Variants in AHCTF1 observed in about 807,000 individuals in gnomAD.
The protein encoded by AHCTF1 is protein ELYS.
In AHCTF1, 24 loss-of-function variants were observed where a neutral mutation model predicts 248.4. The observed-to-expected ratio is 0.10, with a 90% confidence interval of 0.07 to 0.14. The LOEUF is 0.14. Ranked by LOEUF, AHCTF1 falls within the 10% of genes least tolerant of loss-of-function variation. The pLI is 1.00. For synonymous variants in AHCTF1, 786 were observed against 929.8 expected (o/e 0.85, Z 2.81); for missense variants, 2,206 against 2,636.2 (o/e 0.84, Z 3.57).
chr1:246,878,068 AAC>A (rs1236139113), intron 21 of AHCTF1, among the ~76,000 whole-genome samples: 1 of 151,998 alleles, frequency 6.6e-6, no homozygotes, highest in Non-Finnish European at 1.5e-5. Context: ...AGTCTACAGA[AAC>A]ACCAGCAAAA....
In AHCTF1 at chr1:246,842,757, A is replaced by T. The variant is rs1346250058; in HGVS notation, c.6545T>A (p.Val2182Glu). The change falls in exon 35 of 36, where the codon GTA (valine) becomes GAA (glutamate). Residue 2182 changes from valine (V) to glutamate (E), a missense_variant. By Grantham distance (121) the Val-to-Glu change is moderately radical. Around this residue, in one of 6 missense-constraint regions of AHCTF1, gnomAD observed 469 missense variants for 470.0 expected, o/e 1.00. Transcript: ENST00000648844. ...CGCTTTTGGCTTTCCCAGAGTTTCT[A>T]CTGATTGTGCATCATCTTTCTATGG... Reference protein sequence around the residue: ...EDELKDDAQSVETLGKPKAKR... With the variant: ...EDELKDDAQSEETLGKPKAKR... The T allele has an allele frequency of 5.6e-6, 9 of 1,613,532 alleles. No individual in the cohort carries two copies. In the South Asian group the frequency reaches 9.9e-5, roughly 18 times the overall value.
chr1:246,895,931 C>G lies in AHCTF1; in HGVS notation c.1624-6G>C. Reference sequence around the variant, plus strand: ...ATAGCTTCTAACTGTTCTTCCTAAACCATGCATTACAGAAAGGAAAGAAAT... The same window carrying G: ...ATAGCTTCTAACTGTTCTTCCTAAAGCATGCATTACAGAAAGGAAAGAAAT... On this transcript the variant is annotated splice_polypyrimidine_tract_variant and splice_region_variant and intron_variant, in intron 12 of 35. Coordinates refer to ENST00000648844, the MANE Select transcript of AHCTF1 (RefSeq NM_001323342.2). 1 of 1,605,232 alleles carries G rather than the reference C, an allele frequency of 6.2e-7. No individual in the cohort carries two copies. The highest frequency in any genetic ancestry group is 8.5e-7 in the Non-Finnish European group (1 of 1,175,068).
At chr1:246,844,565 T>A (rs984846211) in intron 33 of AHCTF1, among the ~76,000 whole-genome samples, 1 of 151,876 alleles carries the variant, frequency 6.6e-6, no homozygotes, top group Non-Finnish European at 1.5e-5. Context: ...CTACAAAAAA[T>A]TTTTAAAAGA....
At chr1:246,905,396 G>A (rs1336531722) in intron 6 of AHCTF1, 145 bp downstream of exon 6, 9 of 596,372 alleles carry the variant, frequency 1.5e-5, no homozygotes, top group Non-Finnish European at 1.5e-5. Context: ...TACTCGGGAG[G>A]CTGAGCGAGA....
chr1:246,867,843 A>G, intron 24 of AHCTF1, 32 bp from the exon 25 acceptor site: 1 of 1,557,704 alleles, frequency 6.4e-7, no homozygotes, highest in Non-Finnish European at 8.7e-7. Flanking sequence ...AATTAAGTGC[A>G]TCTCTAACAA....
intron 10 of AHCTF1, 46 bp from the exon 11 acceptor site, chr1:246,899,558 T>C: frequency 6.7e-7 from 1 of 1,490,280 alleles, no homozygotes. Context: ...ATATTTAAAA[T>C]GGCATTAATA....
chr1:246,911,479 C>CTTT (rs35320501), intron 4 of AHCTF1, among the ~76,000 whole-genome samples: 526 of 99,412 alleles, frequency 5.3e-3, no homozygotes, highest in East Asian at 8.4e-3. Context: ...TATGAAGATT[C>CTTT]TTTTTTTTTT....
intron 11 of AHCTF1, among the ~76,000 whole-genome samples, chr1:246,898,635 C>T (rs1246889991): frequency 4.0e-5 from 3 of 74,814 alleles, no homozygotes; most frequent in Non-Finnish European, 8.4e-5. Flanking sequence ...CACACACACA[C>T]ACACACACAC....
intron 35 of AHCTF1, among the ~76,000 whole-genome samples, chr1:246,842,216 G>A (rs1251320607): frequency 6.6e-6 from 1 of 152,002 alleles, no homozygotes; most frequent in East Asian, 1.9e-4. Flanking sequence ...AATCTTTTCT[G>A]ATGAGCTTAA....
intron 1 of AHCTF1, chr1:246,931,180 A>G (rs1488840306): frequency 9.0e-6 from 14 of 1,550,226 alleles, no homozygotes; most frequent in African/African-American, 1.4e-5. Flanking sequence ...GGACAGGCTC[A>G]GCACGCCGGC....
At chr1:246,911,441 T>C (rs1665791760) in intron 4 of AHCTF1, among the ~76,000 whole-genome samples, 1 of 151,526 alleles carries the variant, frequency 6.6e-6, no homozygotes, top group South Asian at 2.1e-4. Context: ...TTTGTATACA[T>C]ACCAAATTTT....
At chr1:246,904,182 A>T (rs1665220720) in intron 6 of AHCTF1, 149 bp from the exon 7 acceptor site, 1 of 608,562 alleles carries the variant, frequency 1.6e-6, no homozygotes, top group Non-Finnish European at 2.9e-6. Context: ...TAATTTTTAT[A>T]AAAATGTAGT....
At position 246,879,440 on chromosome 1, in the gene AHCTF1, T is replaced by C. The variant is rs115125951; in HGVS notation, c.2661-2138A>G. On this transcript the variant is annotated intron_variant, in intron 21 of 35. Coordinates refer to ENST00000648844, the MANE Select transcript of AHCTF1 (RefSeq NM_001323342.2). ...TCACCCTAGGATTTTATTCTATAAA[T>C]TGGCACATGTGCATTACGTGGTTAC... 1.2e-3 allele frequency among the ~76,000 whole-genome samples: 176 copies of C among 152,294 alleles called. 1 individual carries two copies. Among genetic ancestry groups the C allele is most frequent in the African/African-American group, 4.1e-3 (169 of 41,564 alleles).
At chr1:246,904,733 T>C (rs1020097032) in intron 6 of AHCTF1, among the ~76,000 whole-genome samples, 2 of 152,214 alleles carry the variant, frequency 1.3e-5, no homozygotes, top group Admixed American at 1.3e-4. Context: ...AGAGCATAGA[T>C]TCCAGAGCCA....
At chr1:246,883,451 TA>T (rs1663602010) in intron 21 of AHCTF1, among the ~76,000 whole-genome samples, 1 of 152,232 alleles carries the variant, frequency 6.6e-6, no homozygotes, top group African/African-American at 2.4e-5. Flanking sequence ...GTTTTCTTGT[TA>T]TTTGCTTCCT....
At chr1:246,869,397 A>G (rs1662393337) in intron 24 of AHCTF1, among the ~76,000 whole-genome samples, 1 of 151,748 alleles carries the variant, frequency 6.6e-6, no homozygotes, top group Non-Finnish European at 1.5e-5. Context: ...CAAAAGCTAG[A>G]CCTCTTATGC....
chr1:246,887,414 A>G (rs1217279164), intron 19 of AHCTF1, 57 bp from the exon 20 acceptor site: 33 of 1,488,702 alleles, frequency 2.2e-5, no homozygotes, highest in Non-Finnish European at 2.7e-5. Context: ...TCCTACGTAT[A>G]TATTTACAAT....
At chr1:246,922,433 GT>G (rs914987571) in intron 1 of AHCTF1, among the ~76,000 whole-genome samples, 68 of 141,108 alleles carry the variant, frequency 4.8e-4, no homozygotes, top group Admixed American at 8.4e-4. Context: ...TTTTTGGGTT[GT>G]TTTTTTTTTT....
At chr1:246,922,350 ACT>A (rs1317268790) in intron 1 of AHCTF1, among the ~76,000 whole-genome samples, 1 of 151,936 alleles carries the variant, frequency 6.6e-6, no homozygotes, top group Non-Finnish European at 1.5e-5. Flanking sequence ...ACAGAGCAAG[ACT>A]CTGTCTCAAA....
Sources: allele counts gnomAD v4.1 joint callset (sites outside exome capture counted in the v4.1 genomes callset), GRCh38; gene constraint gnomAD v4.1.1; regional missense constraint gnomAD v4.1.1; transcripts MANE v1.5; gene names NCBI Gene and HGNC (gene_info 2026-07-23, HGNC 2026-07-21).